The following DCHS2 variants were observed in gnomAD, a reference collection of about 807,000 sequenced individuals.
The protein encoded by DCHS2 is dachsous cadherin-related 2.
Under a neutral mutation model 182.4 loss-of-function variants are expected in DCHS2, and 142 were observed. The ratio of observed to expected loss-of-function variants is 0.78; its 90% CI spans 0.68 to 0.89. The LOEUF (loss-of-function observed/expected upper bound fraction) is 0.89, where lower values mean the gene tolerates loss of function less well. Ranked by LOEUF, DCHS2 falls within the 40% of genes least tolerant of loss-of-function variation. The pLI, the probability that DCHS2 is intolerant of heterozygous loss-of-function variation, is 0.00. For synonymous variants in DCHS2, 1,740 were observed against 1,663.3 expected (o/e 1.05, Z -1.12); for missense variants, 4,319 against 4,198.6 (o/e 1.03, Z -0.79).
At chr4:154,290,460 T>C (rs1277667204) in intron 13 of DCHS2, among the ~76,000 whole-genome samples, 1 of 151,894 alleles carries the variant, frequency 6.6e-6, no homozygotes, top group African/African-American at 2.4e-5. Flanking sequence ...TATGAAATCA[T>C]AAAAGACCCA....
chr4:154,317,910 G>T (rs1231562142), intron 9 of DCHS2, among the ~76,000 whole-genome samples: 1 of 152,030 alleles, frequency 6.6e-6, no homozygotes, highest in African/African-American at 2.4e-5. Context: ...ATGTCCAAAT[G>T]AATTCAGCCA....
At chr4:154,253,398 T>TTTAA (rs1301700102) in intron 16 of DCHS2, among the ~76,000 whole-genome samples, 1 of 152,182 alleles carries the variant, frequency 6.6e-6, no homozygotes, top group African/African-American at 2.4e-5. Context: ...AGAAATTAGA[T>TTTAA]TTAATTGTTA....
At chr4:154,369,934 C>T (rs1256077063) in intron 2 of DCHS2, among the ~76,000 whole-genome samples, 1 of 152,164 alleles carries the variant, frequency 6.6e-6, no homozygotes, top group African/African-American at 2.4e-5. Flanking sequence ...ACATTTTCTA[C>T]CGTTACTTCT....
intron 18 of DCHS2, among the ~76,000 whole-genome samples, chr4:154,239,689 A>G (rs1467455593): frequency 1.3e-5 from 2 of 152,022 alleles, no homozygotes; most frequent in Non-Finnish European, 2.9e-5. Flanking sequence ...TTGTATTTTT[A>G]GTAGAGATGG....
intron 3 of DCHS2, among the ~76,000 whole-genome samples, chr4:154,364,915 T>C (rs1361397270): frequency 6.6e-6 from 1 of 152,202 alleles, no homozygotes; most frequent in Admixed American, 6.5e-5. Context: ...AAATTCTTTT[T>C]TTTTTCTTTT....
At chr4:154,460,706 T>C (rs1270677719) in intron 1 of DCHS2, among the ~76,000 whole-genome samples, 5 of 152,128 alleles carry the variant, frequency 3.3e-5, no homozygotes, top group East Asian at 1.9e-4. Context: ...AGATATTCCA[T>C]ATAAAGTTAA....
intron 12 of DCHS2, among the ~76,000 whole-genome samples, chr4:154,299,403 A>G (rs1260552424): frequency 6.6e-6 from 1 of 152,236 alleles, no homozygotes; most frequent in East Asian, 1.9e-4. Context: ...AAAATTGAAC[A>G]CAGGGACAAA....
intron 12 of DCHS2, 49 bp downstream of exon 12, chr4:154,304,620 C>A (rs757591477): frequency 4.1e-6 from 6 of 1,468,528 alleles, no homozygotes; most frequent in Non-Finnish European, 5.5e-6. Context: ...CAGAGTGAGA[C>A]TCTGTCTTAA....
intron 3 of DCHS2, chr4:154,357,346 G>C: frequency 2.0e-6 from 3 of 1,518,170 alleles, no homozygotes; most frequent in Non-Finnish European, 2.7e-6. Context: ...AAAGGAGCCA[G>C]GCTGGTGGGA....
chr4:154,341,435 A>G (rs1437604582), intron 3 of DCHS2, among the ~76,000 whole-genome samples: 1 of 151,902 alleles, frequency 6.6e-6, no homozygotes, highest in Non-Finnish European at 1.5e-5. Flanking sequence ...GCACCTAACC[A>G]TACAAGGTAA....
intron 1 of DCHS2, among the ~76,000 whole-genome samples, chr4:154,445,152 T>C (rs1734227431): frequency 6.6e-6 from 1 of 152,186 alleles, no homozygotes; most frequent in African/African-American, 2.4e-5. Context: ...ACTTCTTCAT[T>C]ATCTTTCTCT....
rs1475634679 is a variant in DCHS2, at chr4:154,233,305, A to C, written c.*1231T>G. 1 of 152,188 alleles carries C rather than the reference A, an allele frequency of 6.6e-6. No homozygotes were observed. The highest frequency in any genetic ancestry group is 2.4e-5 in the African/African-American group (1 of 41,466). 9.4% of individuals were successfully genotyped at this position (152,188 alleles called of 1,614,324 possible). The stretch of plus-strand genomic sequence containing the variant: ...TCCCAGGCTTATCAGAAAGAAGGCT[A>C]GAGCATTGTATGTGAGCACCATCTA... On this transcript the variant is annotated 3_prime_UTR_variant, in exon 20 of 20. Coordinates refer to ENST00000357232, the MANE Select transcript of DCHS2 (RefSeq NM_001358235.2).
chr4:154,451,463 A>G (rs113286591), intron 1 of DCHS2, among the ~76,000 whole-genome samples: 3 of 152,312 alleles, frequency 2.0e-5, no homozygotes, highest in Admixed American at 6.5e-5. Context: ...ATAGGCTCAA[A>G]GTGGCACTGA....
rs991554572 is a variant in DCHS2 at position 154,234,368 on chromosome 4, G to C, written c.*168C>G. ...AAAGAGGAAATAACTTTTCATTAAG[G>C]CTGGAAGAAATTGGAGAAACTTTAA... On this transcript the variant is annotated 3_prime_UTR_variant, in exon 20 of 20. Transcript: ENST00000357232. 3.2e-6 allele frequency: 3 copies of C among 942,768 alleles called. No homozygotes were observed. Among genetic ancestry groups the C allele is most frequent in the Non-Finnish European group, 4.5e-6 (3 of 661,014 alleles). 58.4% of individuals were successfully genotyped at this position (942,768 alleles called of 1,614,324 possible).
intron 1 of DCHS2, among the ~76,000 whole-genome samples, chr4:154,388,584 T>A (rs1279425955): frequency 6.6e-6 from 1 of 150,726 alleles, no homozygotes; most frequent in Non-Finnish European, 1.5e-5. Flanking sequence ...AACCTCTGCC[T>A]TCTGGGTTCA....
At chr4:154,434,027 A>G (rs1231806618) in intron 1 of DCHS2, among the ~76,000 whole-genome samples, 1 of 152,276 alleles carries the variant, frequency 6.6e-6, no homozygotes, top group Non-Finnish European at 1.5e-5. Flanking sequence ...GAAGATAGTC[A>G]ATCCAAATAT....
chr4:154,300,200 G>C (rs1365031161), intron 12 of DCHS2, among the ~76,000 whole-genome samples: 1 of 152,106 alleles, frequency 6.6e-6, no homozygotes, highest in Admixed American at 6.5e-5. Context: ...GCTGGCAGTA[G>C]CGGTAGAGGA....
Position 154,240,731 on chromosome 4 carries a change from GAT to G in DCHS2, c.7163_7164del (p.Asn2388ThrfsTer8). 6.2e-7 allele frequency: 1 copy of G among 1,613,858 alleles called. No homozygotes were observed. The highest frequency in any genetic ancestry group is 8.5e-7 in the Non-Finnish European group (1 of 1,179,908). On this transcript the variant is annotated frameshift_variant, in exon 18 of 20. Coordinates refer to ENST00000357232, the MANE Select transcript of DCHS2 (RefSeq NM_001358235.2). LOFTEE classifies it high-confidence loss of function. ...AFIFSFAKES[N>X]PGTKFAIDQN... ...TGATCAATAGCAAACTTGGTTCCAG[GAT>G]TACTCTCTTTGGCAAAACTGAATAT...
intron 13 of DCHS2, among the ~76,000 whole-genome samples, chr4:154,294,835 G>A (rs1180219202): frequency 6.6e-6 from 1 of 152,192 alleles, no homozygotes; most frequent in Non-Finnish European, 1.5e-5. Flanking sequence ...ACTTGGCAGG[G>A]CTGGGTAAGC....
Sources: allele counts gnomAD v4.1 joint callset (sites outside exome capture counted in the v4.1 genomes callset), GRCh38; gene constraint gnomAD v4.1.1; transcripts MANE v1.5; gene names NCBI Gene and HGNC (gene_info 2026-07-23, HGNC 2026-07-21).